Variants in MFSD11 observed in about 807,000 individuals in gnomAD.
MFSD11 encodes the protein major facilitator superfamily domain containing 11.
In MFSD11, 36 loss-of-function variants were observed where a neutral mutation model predicts 53.5. The observed-to-expected ratio is 0.67, with a 90% CI of 0.52 to 0.89. MFSD11 has a LOEUF of 0.89. Ranked by LOEUF, MFSD11 falls within the 40% of genes least tolerant of loss-of-function variation. The pLI, the probability that MFSD11 is intolerant of heterozygous loss-of-function variation, is 0.00. For missense variants in MFSD11, 530 were observed against 543.9 expected, an observed-to-expected ratio of 0.97 and a Z score of 0.25; for synonymous variants, 186 against 184.9, an observed-to-expected ratio of 1.01 and a Z score of -0.05.
At chr17:76,764,480 C>G (rs908767760) in intron 8 of MFSD11, among the ~76,000 whole-genome samples, 3 of 152,182 alleles carry the variant, frequency 2.0e-5, no homozygotes, top group Non-Finnish European at 4.4e-5. Flanking sequence ...TTAATATTCC[C>G]CATATAAGTA....
rs1372771667 is a variant in MFSD11 at position 76,742,274 on chromosome 17, G to GT, written c.437+2dup. On this transcript the variant is annotated splice_donor_variant, in intron 5 of 12. Coordinates refer to ENST00000685175, the MANE Select transcript of MFSD11 (RefSeq NM_001242532.5). LOFTEE classifies it high-confidence loss of function. ...TTTTCTGGGCACTTCTGCAGTCTAG[G>GT]TAATTATCCTTTTGAGGTTCAGTCT... 6.2e-7 allele frequency: 1 copy of GT among 1,611,066 alleles called. No individual in the cohort carries two copies. Among genetic ancestry groups the GT allele is most frequent in the African/African-American group, 1.3e-5 (1 of 74,822 alleles).
chr17:76,749,450 G>A (rs368805954), intron 7 of MFSD11, among the ~76,000 whole-genome samples: 31 of 151,540 alleles, frequency 2.0e-4, no homozygotes, highest in African/African-American at 7.0e-4. Flanking sequence ...AATCGCTTAC[G>A]CCCAGGACGC....
the MFSD11 span, among the ~76,000 whole-genome samples, chr17:76,794,597 A>G: frequency 2.3e-5 from 3 of 132,542 alleles, no homozygotes; most frequent in Non-Finnish European, 4.7e-5. Context: ...AGCCAAGATC[A>G]TGCCATTGCA....
chr17:76,803,282 A>C, the MFSD11 span, among the ~76,000 whole-genome samples: 1 of 152,222 alleles, frequency 6.6e-6, no homozygotes, highest in African/African-American at 2.4e-5. Flanking sequence ...CTTGCTTTGC[A>C]TCTCCAAGCT....
At chr17:76,792,339 G>A in the MFSD11 span, among the ~76,000 whole-genome samples, 12 of 151,144 alleles carry the variant, frequency 7.9e-5, no homozygotes, top group Non-Finnish European at 1.6e-4. Context: ...GGCTGGTCTC[G>A]AGCTCCTGAC....
intron 6 of MFSD11, 55 bp from the exon 7 acceptor site, chr17:76,744,267 C>G: frequency 6.5e-7 from 1 of 1,540,488 alleles, no homozygotes; most frequent in East Asian, 2.3e-5. Context: ...TACCGTGATA[C>G]TAATTCTGGA....
At chr17:76,740,173 C>CAAAAAAAA (rs11289503) in intron 2 of MFSD11, among the ~76,000 whole-genome samples, 1 of 76,686 alleles carries the variant, frequency 1.3e-5, no homozygotes, top group African/African-American at 4.8e-5. Flanking sequence ...GGCTCCGTCT[C>CAAAAAAAA]AAAAAAAAAA....
chr17:76,737,985 G>A (rs1484109716), upstream of MFSD11: 2 of 289,562 alleles, frequency 6.9e-6, no homozygotes, highest in African/African-American at 2.2e-5. Flanking sequence ...AGGTGACCCG[G>A]TCGCCTGGCC....
downstream of MFSD11, among the ~76,000 whole-genome samples, chr17:76,780,813 G>A (rs554336186): frequency 2.0e-5 from 3 of 152,092 alleles, no homozygotes; most frequent in East Asian, 1.9e-4. Context: ...TGCGCCCAGC[G>A]GCTCCAGATT....
At chr17:76,774,160 G>A (rs367621524) in intron 10 of MFSD11, among the ~76,000 whole-genome samples, 1 of 151,832 alleles carries the variant, frequency 6.6e-6, no homozygotes, top group East Asian at 1.9e-4. Context: ...TCCTGACCTC[G>A]GGTGATCTGC....
At chr17:76,741,677 A>G (rs984552830) in intron 3 of MFSD11, among the ~76,000 whole-genome samples, 7 of 152,270 alleles carry the variant, frequency 4.6e-5, no homozygotes, top group African/African-American at 1.7e-4. Context: ...AGTCCCAGCT[A>G]CTTAGGAGGC....
intron 8 of MFSD11, among the ~76,000 whole-genome samples, chr17:76,755,793 T>TATATATAC (rs2079532661): frequency 5.1e-5 from 1 of 19,740 alleles, no homozygotes; most frequent in Admixed American, 5.6e-4. Context: ...TGTGTATACA[T>TATATATAC]ATATATATAT....
At chr17:76,784,151 C>G (rs1002274659), downstream of MFSD11, among the ~76,000 whole-genome samples, 9 of 152,270 alleles carry the variant, frequency 5.9e-5, no homozygotes, top group Admixed American at 3.9e-4. Flanking sequence ...TAAAAGCAGA[C>G]TTGAAGCAAT....
intron 8 of MFSD11, chr17:76,754,317 G>A (rs1286053735): frequency 1.0e-5 from 5 of 481,464 alleles, no homozygotes; most frequent in Non-Finnish European, 1.9e-5. Flanking sequence ...TGAGGGAAGT[G>A]GAAAGAGGCT....
intron 7 of MFSD11, among the ~76,000 whole-genome samples, chr17:76,749,556 C>A (rs531712196): frequency 6.8e-6 from 1 of 146,778 alleles, no homozygotes; most frequent in Non-Finnish European, 1.5e-5. Context: ...GAAGAAGGAA[C>A]AATGTATGCT....
At chr17:76,747,096 T>C (rs1001110555) in intron 7 of MFSD11, among the ~76,000 whole-genome samples, 1 of 152,038 alleles carries the variant, frequency 6.6e-6, no homozygotes, top group African/African-American at 2.4e-5. Context: ...TCAAGTCTTA[T>C]TATTTAAGAA....
At position 76,776,619 on chromosome 17, in the gene MFSD11, G is replaced by A; in HGVS notation, c.1185+78G>A. On this transcript the variant is annotated intron_variant, in intron 12 of 12. Transcript: ENST00000685175. This position sits in a 1 kb window ranked among gnomAD's most constrained non-coding sequence, Gnocchi z 4.2. ...ATTGCCTTGTTTTCCTTGGTTACTT[G>A]TATTGTGGTTTTAATTTTTATTTAT... The A allele has an allele frequency of 3.8e-6, 5 of 1,319,324 alleles. No individual in the cohort carries two copies. The highest frequency in any genetic ancestry group is 5.1e-6 in the Non-Finnish European group (5 of 983,378). The allele number at this position is 1,319,324 out of a possible 1,614,324, so 81.7% of individuals were successfully genotyped here. A position where few individuals can be genotyped will look rare whatever the true frequency, so the allele number is the denominator to read the frequency against.
chr17:76,752,689 C>G (rs2079163223), intron 7 of MFSD11, among the ~76,000 whole-genome samples: 1 of 152,200 alleles, frequency 6.6e-6, no homozygotes, highest in East Asian at 1.9e-4. Flanking sequence ...AGCCACCACA[C>G]CCTGCCCAAG....
rs1168572153 is a variant in MFSD11 at position 76,779,329 on chromosome 17, T to G, written c.*977T>G. ...AAATAATGAAAAATAAATAACAAGA[T>G]GCTGAAATGAAATATTGATTTTGAA... On this transcript the variant is annotated 3_prime_UTR_variant, in exon 13 of 13. Coordinates refer to ENST00000685175, the MANE Select transcript of MFSD11 (RefSeq NM_001242532.5). The G allele has an allele frequency of 6.7e-6, 1 of 148,582 alleles. No homozygotes were observed. The allele number at this position is 148,582 out of a possible 1,614,324, so 9.2% of individuals were successfully genotyped here.
Sources: gnomAD v4.1 joint callset for allele counts (sites outside exome capture counted in the v4.1 genomes callset) on GRCh38, gnomAD v4.1.1 for gene constraint, Gnocchi (gnomAD v3.1) non-coding constraint, MANE v1.5 for transcripts, NCBI Gene and HGNC (gene_info 2026-07-23, HGNC 2026-07-21) for gene names.